The following ERI3 variants were observed in gnomAD, a reference collection of about 807,000 sequenced individuals.
The protein encoded by ERI3 is ERI1 exoribonuclease family member 3.
In ERI3, 18 loss-of-function variants were observed where a neutral mutation model predicts 44.4. The ratio of observed to expected loss-of-function variants is 0.41; its 90% CI spans 0.28 to 0.60. The LOEUF (loss-of-function observed/expected upper bound fraction) is 0.60. Ranked by LOEUF, ERI3 falls within the 20% of genes least tolerant of loss-of-function variation. The pLI is 0.36. For synonymous variants in ERI3, 183 were observed against 164.8 expected (o/e 1.11, Z -0.84); for missense variants, 294 against 435.5 (o/e 0.68, Z 2.89).
chr1:44,256,013 G>A (rs893919434), intron 7 of ERI3, among the ~76,000 whole-genome samples: 4 of 152,122 alleles, frequency 2.6e-5, no homozygotes, highest in Non-Finnish European at 5.9e-5. Flanking sequence ...CCCATACTGT[G>A]AATGGCACCT....
intron 6 of ERI3, among the ~76,000 whole-genome samples, chr1:44,292,384 A>T (rs1342582631): frequency 6.6e-6 from 1 of 152,206 alleles, no homozygotes; most frequent in Non-Finnish European, 1.5e-5. Flanking sequence ...ACACAAAATG[A>T]GAGAGCTTTC....
intron 8 of ERI3, among the ~76,000 whole-genome samples, chr1:44,237,069 C>T (rs1030835094): frequency 3.9e-5 from 6 of 152,132 alleles, no homozygotes; most frequent in Admixed American, 2.6e-4. Context: ...CAGGGGAGCG[C>T]CTGGCCCGGG....
Position 44,259,871 on chromosome 1 carries a change from C to T in ERI3, c.832-11833G>A, listed in dbSNP as rs1284140060. ...CTCCAGCCTGAGTGACAGAGGAAAACCCTCTAGATAGATAGATAGATAGAT... is the reference window on the plus strand; with the variant it reads ...CTCCAGCCTGAGTGACAGAGGAAAATCCTCTAGATAGATAGATAGATAGAT... On this transcript the variant is annotated intron_variant, in intron 7 of 8. Transcript: ENST00000372257. Among the ~76,000 whole-genome samples the T allele has an allele frequency of 2.2e-5, 3 of 138,010 alleles. No individual in the cohort carries two copies. In the South Asian group the frequency reaches 7.0e-4, roughly 32 times the overall value. The allele number at this position is 138,010 out of a possible 152,430, so 90.5% of individuals were successfully genotyped here.
At chr1:44,279,338 C>A (rs1329848601) in intron 7 of ERI3, among the ~76,000 whole-genome samples, 1 of 152,152 alleles carries the variant, frequency 6.6e-6, no homozygotes, top group African/African-American at 2.4e-5. Flanking sequence ...GATCTTCCTG[C>A]CTCAGCCTCC....
At chr1:44,336,616 C>T (rs1646540641) in intron 3 of ERI3, among the ~76,000 whole-genome samples, 1 of 152,198 alleles carries the variant, frequency 6.6e-6, no homozygotes, top group African/African-American at 2.4e-5. Context: ...CTCAGTGCCC[C>T]ACGCTCTTCT....
intron 7 of ERI3, among the ~76,000 whole-genome samples, chr1:44,267,985 A>T (rs1645021827): frequency 6.6e-6 from 1 of 152,244 alleles, no homozygotes; most frequent in South Asian, 2.1e-4. Flanking sequence ...CTCAAAGCTT[A>T]TCGAGTGGCA....
In ERI3 at chr1:44,310,535, G is replaced by A. The variant is rs10128021; in HGVS notation, c.667-2134C>T. Among the ~76,000 whole-genome samples the A allele has an allele frequency of 5.4e-3, 823 of 152,262 alleles. 7 individuals are homozygous for A. The highest frequency in any genetic ancestry group is 0.019 in the African/African-American group (777 of 41,536). Reference sequence around the variant, plus strand: ...TAAGTCCACAGTATATAGAAAGAAAGGACAAAGGCTGGAGGACTAGGTTAG... The same window carrying A: ...TAAGTCCACAGTATATAGAAAGAAAAGACAAAGGCTGGAGGACTAGGTTAG... On this transcript the variant is annotated intron_variant, in intron 5 of 8. Transcript: ENST00000372257.
rs573727596 is a variant in ERI3 at position 44,300,228 on chromosome 1, G to T, written c.758+8082C>A. The stretch of plus-strand genomic sequence containing the variant: ...ATCTTGAAGCCTGATCAGTCATTAA[G>T]CAAGTACCTTTACCTTTTATCAGGG... On this transcript the variant is annotated intron_variant, in intron 6 of 8. Transcript: ENST00000372257. 3.9e-5 allele frequency among the ~76,000 whole-genome samples: 6 copies of T among 152,322 alleles called. No individual in the cohort carries two copies. In the South Asian group the frequency reaches 1.2e-3, roughly 32 times the overall value.
chr1:44,327,778 C>T (rs557811073), intron 3 of ERI3, among the ~76,000 whole-genome samples: 2 of 152,310 alleles, frequency 1.3e-5, no homozygotes, highest in East Asian at 3.9e-4. Flanking sequence ...AGTCACCCAA[C>T]AAAGTGGAGG....
chr1:44,269,755 G>A (rs1420244414), intron 7 of ERI3, among the ~76,000 whole-genome samples: 1 of 152,148 alleles, frequency 6.6e-6, no homozygotes, highest in Admixed American at 6.5e-5. Context: ...ATCTGCTATG[G>A]GCCAAGTGAC....
chr1:44,270,418 C>T (rs571567515), intron 7 of ERI3, among the ~76,000 whole-genome samples: 1 of 152,294 alleles, frequency 6.6e-6, no homozygotes, highest in African/African-American at 2.4e-5. Flanking sequence ...CCAGCCCATA[C>T]ACAATAACAA....
intron 4 of ERI3, 28 bp downstream of exon 4, chr1:44,319,600 C>G (rs746796927): frequency 6.5e-7 from 1 of 1,531,684 alleles, no homozygotes; most frequent in Admixed American, 1.7e-5. Flanking sequence ...TCCCAGCAGC[C>G]CCTGCTGCCC....
chr1:44,263,223 A>C (rs1644927863), intron 7 of ERI3, among the ~76,000 whole-genome samples: 1 of 152,188 alleles, frequency 6.6e-6, no homozygotes, highest in Non-Finnish European at 1.5e-5. Context: ...AGGGGGAAGA[A>C]TGATAGTAAC....
intron 4 of ERI3, among the ~76,000 whole-genome samples, chr1:44,316,093 C>A (rs739803): frequency 0.033 from 5,059 of 151,682 alleles, 107 homozygotes; most frequent in Middle Eastern, 0.048. Flanking sequence ...ACAATTTTAT[C>A]AAATTAATAC....
chr1:44,332,208 C>T lies in ERI3; in HGVS notation c.489+6837G>A, dbSNP rs187295472. ...AACTTTAAAAGGCAGCTCAGTGTCA[C>T]TGTTATTTTACGGTCCCTGATTTCA... is the stretch of plus-strand genomic sequence containing the variant. On this transcript the variant is annotated intron_variant, in intron 3 of 8. Coordinates refer to ENST00000372257, the MANE Select transcript of ERI3 (RefSeq NM_024066.3). Among the ~76,000 whole-genome samples, 6 of 152,232 alleles carry T rather than the reference C, an allele frequency of 3.9e-5. No individual in the cohort carries two copies. In the East Asian group the frequency reaches 1.2e-3, roughly 29 times the overall value.
At chr1:44,316,035 C>T (rs1005538640) in intron 4 of ERI3, among the ~76,000 whole-genome samples, 26 of 151,538 alleles carry the variant, frequency 1.7e-4, no homozygotes, top group African/African-American at 6.3e-4. Flanking sequence ...ATACTAATGA[C>T]CTATAAGACA....
intron 6 of ERI3, among the ~76,000 whole-genome samples, chr1:44,297,034 T>C (rs868865842): frequency 2.0e-5 from 3 of 152,080 alleles, no homozygotes; most frequent in Admixed American, 6.5e-5. Context: ...TGGTGTCACA[T>C]TGCTGTCACT....
At chr1:44,332,703 A>G (rs116599142) in intron 3 of ERI3, among the ~76,000 whole-genome samples, 2,122 of 152,324 alleles carry the variant, frequency 0.014, 49 homozygotes, top group African/African-American at 0.048. Flanking sequence ...CAATACAGCC[A>G]AGACTCGGAC....
intron 8 of ERI3, among the ~76,000 whole-genome samples, chr1:44,227,027 T>C (rs958651242): frequency 1.3e-5 from 2 of 152,088 alleles, no homozygotes; most frequent in African/African-American, 2.4e-5. Flanking sequence ...TTCCCATACA[T>C]GTGTCTGTTG....
Sources: allele counts gnomAD v4.1 joint callset (sites outside exome capture counted in the v4.1 genomes callset), GRCh38; gene constraint gnomAD v4.1.1; transcripts MANE v1.5; gene names NCBI Gene and HGNC (gene_info 2026-07-23, HGNC 2026-07-21).